The following TAF10 variants were observed in gnomAD, a reference collection of about 807,000 sequenced individuals.
TAF10 encodes the protein transcription initiation factor TFIID subunit 10.
A neutral mutation model predicts 18.1 loss-of-function variants in TAF10; 2 were observed. That is an observed-to-expected ratio of 0.11 (90% CI 0.05 to 0.35). The LOEUF (loss-of-function observed/expected upper bound fraction) is 0.35, where lower values mean the gene tolerates loss of function less well. Ranked by LOEUF, TAF10 falls within the 10% of genes least tolerant of loss-of-function variation. The pLI is 1.00. For missense variants in TAF10, 293 were observed against 306.9 expected, an observed-to-expected ratio of 0.95 and a Z score of 0.34; for synonymous variants, 158 against 134.6, an observed-to-expected ratio of 1.17 and a Z score of -1.20.
rs895366229 is a variant in TAF10, at chr11:6,609,652, G to T, written c.*1270C>A. The T allele has an allele frequency of 1.2e-6, 2 of 1,614,210 alleles. No individual in the cohort carries two copies. Among genetic ancestry groups the T allele is most frequent in the Non-Finnish European group, 1.7e-6 (2 of 1,180,038 alleles). On this transcript the variant is annotated 3_prime_UTR_variant, in exon 5 of 5. Coordinates refer to ENST00000299424, the MANE Select transcript of TAF10 (RefSeq NM_006284.4). The stretch of plus-strand genomic sequence containing the variant: ...CATGAAGGCACCAGTGAGTAGGGAT[G>T]TTGAATTTCCTTGGGGAGGAAATGG...
chr11:6,610,332 A>T lies in TAF10; in HGVS notation c.*590T>A. ...TGCGGGAGTGGTTGGTGATGGTGAA[A>T]ATAACTGTAGTGGGCCTTGGCTCCT... On this transcript the variant is annotated 3_prime_UTR_variant, in exon 5 of 5. Coordinates refer to ENST00000299424, the MANE Select transcript of TAF10 (RefSeq NM_006284.4). 6.2e-7 allele frequency: 1 copy of T among 1,613,850 alleles called. No individual in the cohort carries two copies. The highest frequency in any genetic ancestry group is 1.1e-5 in the South Asian group (1 of 91,068).
chr11:6,611,034 C>G, intron 4 of TAF10, 23 bp from the exon 5 acceptor site: 1 of 1,612,358 alleles, frequency 6.2e-7, no homozygotes, highest in Non-Finnish European at 8.5e-7. Context: ...GGAAGAGCAC[C>G]AACTGAGCAC....
chr11:6,611,872 C>A, intron 1 of TAF10, 54 bp from the exon 2 acceptor site: 1 of 1,572,128 alleles, frequency 6.4e-7, no homozygotes, highest in Admixed American at 1.8e-5. Context: ...AGGGCCCCAG[C>A]TAGGTCTGTC....
In TAF10 at chr11:6,609,596, G is replaced by A. The variant is rs1164312453; in HGVS notation, c.*1326C>T. ...CTCATCCTACTCTCATCACACACTG[G>A]ATGCCGTATGGATCCCTCTACAATG... On this transcript the variant is annotated 3_prime_UTR_variant, in exon 5 of 5. Transcript: ENST00000299424. 6.2e-7 allele frequency: 1 copy of A among 1,614,164 alleles called. No individual in the cohort carries two copies. Among genetic ancestry groups the A allele is most frequent in the Non-Finnish European group, 8.5e-7 (1 of 1,180,018 alleles).
chr11:6,609,554 C>T lies in TAF10; in HGVS notation c.*1368G>A, dbSNP rs1292717719. The T allele has an allele frequency of 1.9e-6, 3 of 1,614,002 alleles. No individual in the cohort carries two copies. The highest frequency in any genetic ancestry group is 1.3e-5 in the African/African-American group (1 of 74,926). On this transcript the variant is annotated 3_prime_UTR_variant, in exon 5 of 5. Coordinates refer to ENST00000299424, the MANE Select transcript of TAF10 (RefSeq NM_006284.4). ...ATGTGCTCCCAGTGCTAGGTGCCTGCCAGTCTCCACCTGCTCCTCATCCTA... is the reference window on the plus strand; with the variant it reads ...ATGTGCTCCCAGTGCTAGGTGCCTGTCAGTCTCCACCTGCTCCTCATCCTA...
In TAF10 at chr11:6,609,808, T is replaced by G; in HGVS notation, c.*1114A>C. ...GCCTTCCTACACACACTAGAGCCCC[T>G]CATCCCACGACATGCACTCAATAGC... On this transcript the variant is annotated 3_prime_UTR_variant, in exon 5 of 5. Transcript: ENST00000299424. The G allele has an allele frequency of 6.2e-7, 1 of 1,614,148 alleles. No individual in the cohort carries two copies. Among genetic ancestry groups the G allele is most frequent in the Non-Finnish European group, 8.5e-7 (1 of 1,180,020 alleles).
Position 6,610,934 on chromosome 11 carries a change from G to C in TAF10, c.645C>G (p.His215Gln), listed in dbSNP as rs774390380. The change falls in exon 5 of 5, where the codon CAC (histidine) becomes CAG (glutamine). Residue 215 changes from histidine (H) to glutamine (Q), a missense_variant. Coordinates refer to ENST00000299424, the MANE Select transcript of TAF10 (RefSeq NM_006284.4). ...SEYGINVKKP[H>Q]YFT ...TAGGTTGGGTGGCTCAGGTGAAGTA[G>C]TGCGGCTTCTTCACATTGATGCCAT... 1.9e-6 allele frequency: 3 copies of C among 1,614,232 alleles called. No homozygotes were observed. The highest frequency in any genetic ancestry group is 2.2e-5 in the South Asian group (2 of 91,088).
At position 6,609,608 on chromosome 11, in the gene TAF10, A is replaced by T; in HGVS notation, c.*1314T>A. Reference sequence around the variant, plus strand: ...TCATCACACACTGGATGCCGTATGGATCCCTCTACAATGTACTACATGAAG... The same window carrying T: ...TCATCACACACTGGATGCCGTATGGTTCCCTCTACAATGTACTACATGAAG... On this transcript the variant is annotated 3_prime_UTR_variant, in exon 5 of 5. Transcript: ENST00000299424. 1 of 1,614,068 alleles carries T rather than the reference A, an allele frequency of 6.2e-7. No individual in the cohort carries two copies. Among genetic ancestry groups the T allele is most frequent in the Non-Finnish European group, 8.5e-7 (1 of 1,180,012 alleles).
chr11:6,610,102 A>ACAGGACAGGCAAGGGGGC lies in TAF10; in HGVS notation c.*802_*819dup, dbSNP rs759504818. 1.3e-5 allele frequency: 21 copies of ACAGGACAGGCAAGGGGGC among 1,611,492 alleles called. No individual in the cohort carries two copies. Among genetic ancestry groups the ACAGGACAGGCAAGGGGGC allele is most frequent in the African/African-American group, 1.1e-4 (8 of 75,036 alleles). On this transcript the variant is annotated 3_prime_UTR_variant, in exon 5 of 5. Coordinates refer to ENST00000299424, the MANE Select transcript of TAF10 (RefSeq NM_006284.4). Reference sequence around the variant, plus strand: ...TCAGAAGTAGTGGAAGGGGGCAGAGACAGGACAGGCAAGGGGGCCAGAACA... The same window carrying ACAGGACAGGCAAGGGGGC: ...TCAGAAGTAGTGGAAGGGGGCAGAGACAGGACAGGCAAGGGGGCCAGGACAGGCAAGGGGGCCAGAACA...
Position 6,608,526 on chromosome 11 carries a change from A to G in TAF10, c.*2396T>C. On this transcript the variant is annotated 3_prime_UTR_variant, in exon 5 of 5. Transcript: ENST00000299424. This position sits in a 1 kb window ranked among gnomAD's most constrained non-coding sequence, Gnocchi z 4.9. The stretch of plus-strand genomic sequence containing the variant: ...GCCCTTAATTCCTGAGATGGGTAGG[A>G]AGTAAAGTCTGAGCCTTGGTGGGAG... 2 of 1,554,008 alleles carry G rather than the reference A, an allele frequency of 1.3e-6. No homozygotes were observed. Among genetic ancestry groups the G allele is most frequent in the Non-Finnish European group, 1.8e-6 (2 of 1,125,218 alleles).
chr11:6,608,357 TTTCTGCCTC>T lies in TAF10; in HGVS notation c.*2556_*2564del. 1 of 1,600,740 alleles carries T rather than the reference TTTCTGCCTC, an allele frequency of 6.2e-7. No individual in the cohort carries two copies. The highest frequency in any genetic ancestry group is 8.6e-7 in the Non-Finnish European group (1 of 1,167,802). On this transcript the variant is annotated 3_prime_UTR_variant, in exon 5 of 5. Coordinates refer to ENST00000299424, the MANE Select transcript of TAF10 (RefSeq NM_006284.4). The surrounding 1 kb of genome is among the most constrained non-coding windows in gnomAD (Gnocchi z 4.9). ...GTATCTCATTTGGAACTGACTGTAC[TTTCTGCCTC>T]TTCTTTTTGTCTGGCCATGGGGTCC...
rs192799576 is a variant in TAF10, at chr11:6,609,060, C to T, written c.*1862G>A. The T allele has an allele frequency of 6.2e-6, 10 of 1,613,688 alleles. No individual in the cohort carries two copies. In the Admixed American group the frequency reaches 1.0e-4, roughly 16 times the overall value. ...GGTGAAGCTGGGTACCTGACCTGCC[C>T]ACACTCTTAGGAAATGGAACCCTGA... is the stretch of plus-strand genomic sequence containing the variant. On this transcript the variant is annotated 3_prime_UTR_variant, in exon 5 of 5. Transcript: ENST00000299424.
Position 6,609,166 on chromosome 11 carries a change from G to T in TAF10, c.*1756C>A. 1 of 1,609,252 alleles carries T rather than the reference G, an allele frequency of 6.2e-7. No homozygotes were observed. ...GAATCACTCTGGAGAGGTGACCCCT[G>T]CCCTTCTTGCCCTTCCCTCACTAAA... On this transcript the variant is annotated 3_prime_UTR_variant, in exon 5 of 5. Coordinates refer to ENST00000299424, the MANE Select transcript of TAF10 (RefSeq NM_006284.4).
rs1855116109 is a variant in TAF10 at position 6,608,116 on chromosome 11, A to T, written c.*2806T>A. The T allele has an allele frequency of 6.2e-7, 1 of 1,614,098 alleles. No individual in the cohort carries two copies. The highest frequency in any genetic ancestry group is 8.5e-7 in the Non-Finnish European group (1 of 1,180,016). ...CCGCTCTGCTGTGGTTGAGATGTTG[A>T]TCATGCGGGGGGCACGGATCAATGT... On this transcript the variant is annotated 3_prime_UTR_variant, in exon 5 of 5. Coordinates refer to ENST00000299424, the MANE Select transcript of TAF10 (RefSeq NM_006284.4). This position sits in a 1 kb window ranked among gnomAD's most constrained non-coding sequence, Gnocchi z 4.9.
At position 6,609,809 on chromosome 11, in the gene TAF10, C is replaced by A; in HGVS notation, c.*1113G>T. 6.2e-7 allele frequency: 1 copy of A among 1,614,232 alleles called. No individual in the cohort carries two copies. The highest frequency in any genetic ancestry group is 1.1e-5 in the South Asian group (1 of 91,092). On this transcript the variant is annotated 3_prime_UTR_variant, in exon 5 of 5. Transcript: ENST00000299424. Reference sequence around the variant, plus strand: ...CCTTCCTACACACACTAGAGCCCCTCATCCCACGACATGCACTCAATAGCC... The same window carrying A: ...CCTTCCTACACACACTAGAGCCCCTAATCCCACGACATGCACTCAATAGCC...
rs1239899459 is a variant in TAF10 at position 6,610,971 on chromosome 11, G to A, written c.608C>T (p.Ala203Val). 3 of 1,614,220 alleles carry A rather than the reference G, an allele frequency of 1.9e-6. No homozygotes were observed. Among genetic ancestry groups the A allele is most frequent in the Non-Finnish European group, 2.5e-6 (3 of 1,180,038 alleles). The part of the protein sequence containing the change: ...YTLTMEDLTP[A>V]LSEYGINVKK... ...CACATTGATGCCATACTCGCTGAGG[G>A]CAGGGGTCAAGTCCTCCATGGTTAG... Residue 203 changes from alanine (A) to valine (V), a missense_variant, in exon 5 of 5, where the codon GCC (alanine) becomes GTC (valine). Coordinates refer to ENST00000299424, the MANE Select transcript of TAF10 (RefSeq NM_006284.4).
rs763135605 is a variant in TAF10 at position 6,611,959 on chromosome 11, C to A, written c.231G>T (p.Ala77=). Residue 77 remains alanine (A), a splice_region_variant and synonymous_variant, in exon 1 of 5, where the codon GCG becomes GCT. Transcript: ENST00000299424. ...GCCCTCACCCGTCCCGGCCCTCACCCGCCCCACGCCGCTCAGCTGGCTCCC... is the reference window on the plus strand; with the variant it reads ...GCCCTCACCCGTCCCGGCCCTCACCAGCCCCACGCCGCTCAGCTGGCTCCC... ...RAGEPAERRG[A]APVSAGGAAP... The A allele has an allele frequency of 1.3e-6, 2 of 1,571,848 alleles. No homozygotes were observed. The highest frequency in any genetic ancestry group is 1.7e-6 in the Non-Finnish European group (2 of 1,166,730).
chr11:6,611,908 T>C (rs992379671), intron 1 of TAF10, 50 bp downstream of exon 1: 1 of 1,572,916 alleles, frequency 6.4e-7, no homozygotes, highest in African/African-American at 1.4e-5. Context: ...CACCCGCCGC[T>C]GGACCCAGCC....
rs941855156 is a variant in TAF10, at chr11:6,610,356, C to T, written c.*566G>A. ...AAATAACTGTAGTGGGCCTTGGCTCCTCACATATTTGTTCGGATATACAGT... is the reference window on the plus strand; with the variant it reads ...AAATAACTGTAGTGGGCCTTGGCTCTTCACATATTTGTTCGGATATACAGT... On this transcript the variant is annotated 3_prime_UTR_variant, in exon 5 of 5. Coordinates refer to ENST00000299424, the MANE Select transcript of TAF10 (RefSeq NM_006284.4). The T allele has an allele frequency of 2.5e-6, 4 of 1,613,002 alleles. No individual in the cohort carries two copies. Among genetic ancestry groups the T allele is most frequent in the African/African-American group, 2.7e-5 (2 of 74,906 alleles).
Sources: allele counts gnomAD v4.1 joint callset, GRCh38; gene constraint gnomAD v4.1.1; non-coding constraint Gnocchi (gnomAD v3.1); transcripts MANE v1.5; gene names NCBI Gene and HGNC (gene_info 2026-07-23, HGNC 2026-07-21).